The following DOCK3 variants were observed in gnomAD, a reference collection of about 807,000 sequenced individuals.
DOCK3 encodes the protein dedicator of cytokinesis protein 3.
A neutral mutation model predicts 265.6 loss-of-function variants in DOCK3; 60 were observed. The ratio of observed to expected loss-of-function variants is 0.23; its 90% CI spans 0.18 to 0.28. The LOEUF is 0.28. Ranked by LOEUF, DOCK3 falls within the 10% of genes least tolerant of loss-of-function variation. The pLI is 1.00. For missense variants in DOCK3, 1,981 were observed against 2,594.3 expected, an observed-to-expected ratio of 0.76 and a Z score of 5.14; for synonymous variants, 881 against 938.0, an observed-to-expected ratio of 0.94 and a Z score of 1.11.
chr3:51,180,929 A>C (rs992626306), intron 12 of DOCK3, among the ~76,000 whole-genome samples: 2 of 152,206 alleles, frequency 1.3e-5, no homozygotes, highest in African/African-American at 4.8e-5. Flanking sequence ...TTCTAGATGC[A>C]CTGACCAGAG....
chr3:51,379,737 A>T (rs1053674194), intron 51 of DOCK3, among the ~76,000 whole-genome samples: 1 of 152,262 alleles, frequency 6.6e-6, no homozygotes, highest in Non-Finnish European at 1.5e-5. Context: ...CTTTGGGGTC[A>T]GTGAGGTTTC....
intron 10 of DOCK3, among the ~76,000 whole-genome samples, chr3:51,147,977 T>C (rs527539707): frequency 6.6e-6 from 1 of 152,364 alleles, no homozygotes; most frequent in Non-Finnish European, 1.5e-5. Context: ...AGCGTTCCTA[T>C]TTCTCCACAT....
chr3:51,263,131 G>T (rs1262793158), intron 23 of DOCK3, among the ~76,000 whole-genome samples: 1 of 152,130 alleles, frequency 6.6e-6, no homozygotes, highest in African/African-American at 2.4e-5. Flanking sequence ...GAATCACCAA[G>T]ATTGAAATGA....
intron 5 of DOCK3, among the ~76,000 whole-genome samples, chr3:51,018,742 G>A (rs956519412): frequency 1.3e-5 from 2 of 151,702 alleles, no homozygotes; most frequent in South Asian, 2.1e-4. Flanking sequence ...TTTTCCACTT[G>A]TGGCATCATG....
chr3:50,749,646 A>G (rs1239945536), intron 1 of DOCK3, among the ~76,000 whole-genome samples: 1 of 152,150 alleles, frequency 6.6e-6, no homozygotes, highest in African/African-American at 2.4e-5. Flanking sequence ...TCACAGAAAA[A>G]TCCCATCATA....
chr3:51,218,435 A>C (rs956272071), intron 14 of DOCK3, among the ~76,000 whole-genome samples: 1 of 152,108 alleles, frequency 6.6e-6, no homozygotes, highest in Non-Finnish European at 1.5e-5. Flanking sequence ...TCTGTCTCAA[A>C]ACCAAAACCA....
chr3:50,795,474 C>T (rs1450213784), intron 2 of DOCK3, among the ~76,000 whole-genome samples: 2 of 152,072 alleles, frequency 1.3e-5, no homozygotes, highest in Non-Finnish European at 2.9e-5. Context: ...CTCTGCCTCC[C>T]GGGTTCAAGT....
chr3:51,157,352 T>A (rs2085898828), intron 10 of DOCK3, among the ~76,000 whole-genome samples: 1 of 152,114 alleles, frequency 6.6e-6, no homozygotes, highest in Non-Finnish European at 1.5e-5. Context: ...TTCAAGCCAT[T>A]CTCCTGCTTC....
chr3:50,937,436 C>A (rs1292718049), intron 5 of DOCK3, among the ~76,000 whole-genome samples: 4 of 151,918 alleles, frequency 2.6e-5, no homozygotes, highest in Non-Finnish European at 1.5e-5. Context: ...GGGCAGATCA[C>A]GAGGTCAGGA....
At chr3:51,370,625 G>A (rs555321492) in intron 49 of DOCK3, among the ~76,000 whole-genome samples, 1 of 152,364 alleles carries the variant, frequency 6.6e-6, no homozygotes, top group African/African-American at 2.4e-5. Context: ...TGCCACGGGG[G>A]CAGGTGGTGC....
rs202118326 is a variant in DOCK3 at position 50,872,795 on chromosome 3, G to A, written c.163-17231G>A. Among the ~76,000 whole-genome samples, 5 of 152,208 alleles carry A rather than the reference G, an allele frequency of 3.3e-5. No homozygotes were observed. The East Asian group carries it at 9.6e-4, about 29-fold the overall frequency. Reference sequence around the variant, plus strand: ...TTCTTTCCTCCCCTTTCCGAAGGCAGAGGAGCCTCATCCTGTGGCTCCTGC... The same window carrying A: ...TTCTTTCCTCCCCTTTCCGAAGGCAAAGGAGCCTCATCCTGTGGCTCCTGC... On this transcript the variant is annotated intron_variant, in intron 3 of 52. Transcript: ENST00000266037.
At chr3:51,093,557 C>A (rs941478465) in intron 9 of DOCK3, among the ~76,000 whole-genome samples, 3 of 152,170 alleles carry the variant, frequency 2.0e-5, no homozygotes, top group African/African-American at 7.2e-5. Flanking sequence ...GCTGAAGTTA[C>A]TTATCAGCTT....
intron 2 of DOCK3, among the ~76,000 whole-genome samples, chr3:50,827,676 A>G (rs2044849947): frequency 6.6e-6 from 1 of 152,180 alleles, no homozygotes; most frequent in Admixed American, 6.5e-5. Context: ...TTACTTTTGC[A>G]TCAACCTATA....
chr3:50,966,855 A>T (rs1374249700), intron 5 of DOCK3, among the ~76,000 whole-genome samples: 1 of 152,128 alleles, frequency 6.6e-6, no homozygotes, highest in African/African-American at 2.4e-5. Flanking sequence ...ACACAACAAA[A>T]GTCTTGTGAT....
At chr3:50,931,030 C>T (rs1330070007) in intron 4 of DOCK3, among the ~76,000 whole-genome samples, 4 of 152,138 alleles carry the variant, frequency 2.6e-5, no homozygotes, top group Admixed American at 2.0e-4. Context: ...GTAAGGGTGA[C>T]GGCGGTGCAG....
At chr3:50,825,622 G>A (rs2044713765) in intron 2 of DOCK3, among the ~76,000 whole-genome samples, 1 of 152,164 alleles carries the variant, frequency 6.6e-6, no homozygotes, top group South Asian at 2.1e-4. Flanking sequence ...GGGCAGTTAA[G>A]TGACAGTATG....
At chr3:50,767,631 A>C (rs1162508099) in intron 1 of DOCK3, among the ~76,000 whole-genome samples, 1 of 152,132 alleles carries the variant, frequency 6.6e-6, no homozygotes, top group Non-Finnish European at 1.5e-5. Flanking sequence ...TGAACTTTAA[A>C]GTAGTTTTTT....
At chr3:50,905,813 G>T (rs2049460806) in intron 4 of DOCK3, among the ~76,000 whole-genome samples, 1 of 152,078 alleles carries the variant, frequency 6.6e-6, no homozygotes, top group African/African-American at 2.4e-5. Flanking sequence ...AATAGGAGTG[G>T]TGAGACAGGG....
chr3:50,769,965 A>G (rs762612711), intron 1 of DOCK3, among the ~76,000 whole-genome samples: 14 of 152,192 alleles, frequency 9.2e-5, no homozygotes, highest in Admixed American at 2.6e-4. Context: ...CCAAAAAACT[A>G]TTAAAACTAA....
Sources: allele counts gnomAD v4.1 joint callset (sites outside exome capture counted in the v4.1 genomes callset), GRCh38; gene constraint gnomAD v4.1.1; transcripts MANE v1.5; gene names NCBI Gene and HGNC (gene_info 2026-07-23, HGNC 2026-07-21).